Variants in TPTE observed in about 807,000 individuals in gnomAD.
The protein encoded by TPTE is transmembrane phosphatase with tensin homology.
In TPTE, 59 loss-of-function variants were observed where a neutral mutation model predicts 84.1. The ratio of observed to expected loss-of-function variants is 0.70; its 90% CI spans 0.57 to 0.87. The LOEUF (loss-of-function observed/expected upper bound fraction) is 0.87, where lower values mean the gene tolerates loss of function less well. Ranked by LOEUF, TPTE falls within the 40% of genes least tolerant of loss-of-function variation. TPTE has a pLI of 0.00. For synonymous variants in TPTE, 130 were observed against 223.5 expected, an observed-to-expected ratio of 0.58 and a Z score of 3.73; for missense variants, 382 against 659.6, an observed-to-expected ratio of 0.58 and a Z score of 4.61.
chr21:10,537,138 C>T (rs2074280526), intron 3 of TPTE, among the ~76,000 whole-genome samples: 3 of 152,306 alleles, frequency 2.0e-5, no homozygotes, highest in Admixed American at 2.0e-4. Flanking sequence ...GAGATGGGGT[C>T]AAGGGGATTT....
intron 3 of TPTE, among the ~76,000 whole-genome samples, chr21:10,534,659 T>C (rs1284631611): frequency 6.6e-6 from 1 of 152,306 alleles, no homozygotes; most frequent in African/African-American, 2.4e-5. Context: ...AATGGAGCCA[T>C]CAGTGAAAGG....
intron 7 of TPTE, among the ~76,000 whole-genome samples, chr21:10,544,791 A>G (rs1423806044): frequency 6.6e-6 from 1 of 152,310 alleles, no homozygotes; most frequent in Non-Finnish European, 1.5e-5. Flanking sequence ...GAAGGCAGAA[A>G]ATTACAAGGG....
chr21:10,594,378 G>A (rs1423357741), intron 19 of TPTE, among the ~76,000 whole-genome samples: 1 of 152,312 alleles, frequency 6.6e-6, no homozygotes, highest in African/African-American at 2.4e-5. Flanking sequence ...ATTTGAAGTG[G>A]TGACTTCTGT....
intron 11 of TPTE, among the ~76,000 whole-genome samples, chr21:10,568,471 T>C (rs1435885965): frequency 6.6e-6 from 1 of 152,302 alleles, no homozygotes; most frequent in Non-Finnish European, 1.5e-5. Context: ...GGTGACTCTT[T>C]TTTTACTGTG....
At chr21:10,538,420 C>T (rs373316391) in intron 3 of TPTE, among the ~76,000 whole-genome samples, 528 of 152,164 alleles carry the variant, frequency 3.5e-3, no homozygotes, top group African/African-American at 0.012. Context: ...AAGGCTGTCA[C>T]GCATTGGGAC....
intron 14 of TPTE, among the ~76,000 whole-genome samples, chr21:10,574,080 T>G (rs2075101601): frequency 6.6e-6 from 1 of 152,398 alleles, no homozygotes; most frequent in African/African-American, 2.4e-5. Context: ...ACCCAAAATG[T>G]GTTTTCTTAG....
At chr21:10,561,243 A>G (rs1413214046) in intron 10 of TPTE, 52 bp downstream of exon 10, 1 of 1,603,280 alleles carries the variant, frequency 6.2e-7, no homozygotes, top group Non-Finnish European at 8.5e-7. Context: ...GTTTTATAAG[A>G]AGCACTTTCG....
Position 10,569,847 on chromosome 21 carries a change from T to C in TPTE, c.730+101T>C, listed in dbSNP as rs2075007464. On this transcript the variant is annotated intron_variant, in intron 13 of 23. Coordinates refer to ENST00000618007, the MANE Select transcript of TPTE (RefSeq NM_199261.4). Reference sequence around the variant, plus strand: ...TAAGACACATTCATTCAAAATATTCTTTATTCATGAGGATATATGCTACTG... The same window carrying C: ...TAAGACACATTCATTCAAAATATTCCTTATTCATGAGGATATATGCTACTG... The C allele has an allele frequency of 2.5e-6, 4 of 1,610,524 alleles. No individual in the cohort carries two copies. The South Asian group carries it at 4.4e-5, about 18-fold the overall frequency.
intron 14 of TPTE, among the ~76,000 whole-genome samples, chr21:10,571,156 A>G (rs1330206206): frequency 6.6e-6 from 1 of 152,312 alleles, no homozygotes; most frequent in Non-Finnish European, 1.5e-5. Flanking sequence ...CTGAGAACTA[A>G]TCTGAATGAT....
intron 7 of TPTE, among the ~76,000 whole-genome samples, chr21:10,546,788 A>G (rs372179001): frequency 1.5e-3 from 224 of 152,300 alleles, no homozygotes; most frequent in African/African-American, 5.1e-3. Flanking sequence ...GGGAGAGGTA[A>G]GGAAGCTACA....
chr21:10,578,766 G>A (rs944100174), intron 17 of TPTE, among the ~76,000 whole-genome samples, 161 bp downstream of exon 17: 1 of 152,312 alleles, frequency 6.6e-6, no homozygotes. Context: ...AAGGAAAGAG[G>A]AGAGGAGGAA....
In TPTE at chr21:10,524,603, G is replaced by C. The variant is rs1600846385; in HGVS notation, c.-187G>C. ...AGAGAATGTTGGACCGACGACACAA[G>C]ACCTCAGACTTGTGTTATTCTAGCA... On this transcript the variant is annotated 5_prime_UTR_variant, in exon 2 of 24. Transcript: ENST00000618007. 1 of 152,606 alleles carries C rather than the reference G, an allele frequency of 6.6e-6. No individual in the cohort carries two copies. Among genetic ancestry groups the C allele is most frequent in the Non-Finnish European group, 1.5e-5 (1 of 68,272 alleles). The allele number at this position is 152,606 out of a possible 1,614,324, so 9.5% of individuals were successfully genotyped here.
At chr21:10,584,613 A>G (rs62211228) in intron 17 of TPTE, among the ~76,000 whole-genome samples, 9,724 of 139,924 alleles carry the variant, frequency 0.069, 2 homozygotes, top group Non-Finnish European at 0.11. Flanking sequence ...CCAAAGTGCT[A>G]GGACTGCAGG....
chr21:10,561,215 G>T, intron 10 of TPTE, 24 bp downstream of exon 10: 2 of 1,609,988 alleles, frequency 1.2e-6, no homozygotes, highest in Non-Finnish European at 1.7e-6. Context: ...TTTTTATAAT[G>T]CATTAAGCTA....
At chr21:10,571,651 A>G (rs561244355) in intron 14 of TPTE, among the ~76,000 whole-genome samples, 1 of 152,300 alleles carries the variant, frequency 6.6e-6, no homozygotes, top group South Asian at 2.1e-4. Flanking sequence ...CAACAAGGAT[A>G]TATATATCAT....
intron 14 of TPTE, among the ~76,000 whole-genome samples, chr21:10,572,018 A>T (rs2075053547): frequency 6.6e-6 from 1 of 152,302 alleles, no homozygotes; most frequent in Admixed American, 6.5e-5. Flanking sequence ...AAAAAAAAAA[A>T]AATACAATCA....
At chr21:10,548,024 C>G (rs566270222) in intron 7 of TPTE, among the ~76,000 whole-genome samples, 1 of 152,308 alleles carries the variant, frequency 6.6e-6, no homozygotes, top group Non-Finnish European at 1.5e-5. Flanking sequence ...GCCCCATCAA[C>G]CACAGACATG....
intron 17 of TPTE, among the ~76,000 whole-genome samples, chr21:10,582,011 A>G (rs1270585648): frequency 9.8e-5 from 15 of 152,410 alleles, no homozygotes; most frequent in Non-Finnish European, 1.3e-4. Flanking sequence ...CTGGGATTAC[A>G]GGCATGAGCC....
At chr21:10,522,923 T>C (rs568752896) in intron 1 of TPTE, among the ~76,000 whole-genome samples, 1 of 152,426 alleles carries the variant, frequency 6.6e-6, no homozygotes, top group East Asian at 1.9e-4. Context: ...ATTTTAAATG[T>C]TCATCTATTT....
Sources: allele counts gnomAD v4.1 joint callset (sites outside exome capture counted in the v4.1 genomes callset), GRCh38; gene constraint gnomAD v4.1.1; transcripts MANE v1.5; gene names NCBI Gene and HGNC (gene_info 2026-07-23, HGNC 2026-07-21).